The following LNX1 variants were observed in gnomAD, a reference collection of about 807,000 sequenced individuals.
LNX1 encodes ligand of numb-protein X 1, also known as E3 ubiquitin-protein ligase LNX.
Under a neutral mutation model 68.4 loss-of-function variants are expected in LNX1, and 54 were observed. The observed-to-expected ratio is 0.79, with a 90% CI of 0.63 to 0.99. The LOEUF (loss-of-function observed/expected upper bound fraction) is 0.99, where lower values mean the gene tolerates loss of function less well. LNX1 is among the 50% of genes least tolerant of loss of function. LNX1 has a pLI of 0.00. For synonymous variants in LNX1, 336 were observed against 350.0 expected (o/e 0.96, Z 0.45); for missense variants, 906 against 926.4 (o/e 0.98, Z 0.29).
intron 1 of LNX1, among the ~76,000 whole-genome samples, chr4:53,574,443 G>A (rs1354990186): frequency 4.8e-5 from 5 of 104,954 alleles, no homozygotes; most frequent in African/African-American, 1.6e-4. Flanking sequence ...TGTCAGATCA[G>A]GACAAGAAAA....
intron 2 of LNX1, among the ~76,000 whole-genome samples, chr4:53,566,277 C>T (rs1324486922): frequency 6.6e-6 from 1 of 151,142 alleles, no homozygotes; most frequent in Non-Finnish European, 1.5e-5. Context: ...AAAGGGAAGC[C>T]CATCAGACTA....
At chr4:53,461,711 A>G in intron 9 of LNX1, 118 bp from the exon 10 acceptor site, 1 of 683,426 alleles carries the variant, frequency 1.5e-6, no homozygotes, top group Non-Finnish European at 2.4e-6. Flanking sequence ...GTACCACTGC[A>G]TAGGTCCCAC....
chr4:53,576,085 G>T, intron 1 of LNX1: 1 of 1,552,328 alleles, frequency 6.4e-7, no homozygotes, highest in Non-Finnish European at 8.7e-7. Context: ...CCTGGTCGGG[G>T]ACTTGGCCAG....
intron 6 of LNX1, among the ~76,000 whole-genome samples, chr4:53,483,408 T>C (rs141045704): frequency 1.3e-5 from 2 of 152,338 alleles, no homozygotes; most frequent in Admixed American, 6.5e-5. Flanking sequence ...TGCCACAGAT[T>C]AGTTTCACAT....
intron 2 of LNX1, among the ~76,000 whole-genome samples, chr4:53,513,884 A>G (rs2109542371): frequency 6.6e-6 from 1 of 152,310 alleles, no homozygotes; most frequent in South Asian, 2.1e-4. Flanking sequence ...AACGATCTAT[A>G]CGGCCCTATA....
At chr4:53,563,418 C>G (rs1044826380) in intron 2 of LNX1, among the ~76,000 whole-genome samples, 1 of 152,170 alleles carries the variant, frequency 6.6e-6, no homozygotes, top group Non-Finnish European at 1.5e-5. Context: ...GTATTAACTA[C>G]TTCTTAAGTA....
chr4:53,534,457 C>A (rs751218347), intron 2 of LNX1, among the ~76,000 whole-genome samples: 38 of 152,154 alleles, frequency 2.5e-4, no homozygotes, highest in Non-Finnish European at 3.7e-4. Context: ...GGCAACATAG[C>A]AAGACCTTGT....
intron 1 of LNX1, among the ~76,000 whole-genome samples, chr4:53,628,189 A>G (rs765635720): frequency 1.3e-5 from 2 of 152,204 alleles, no homozygotes; most frequent in Non-Finnish European, 2.9e-5. Context: ...CTTGAAAATA[A>G]TCATCAGGAG....
chr4:53,620,985 A>G (rs1229966233), upstream of LNX1, among the ~76,000 whole-genome samples: 2 of 152,224 alleles, frequency 1.3e-5, no homozygotes, highest in Non-Finnish European at 1.5e-5. Context: ...AGTTTCAAAG[A>G]GAATCCCAAT....
intron 1 of LNX1, among the ~76,000 whole-genome samples, chr4:53,634,943 A>C (rs1197308124): frequency 6.6e-6 from 1 of 151,872 alleles, no homozygotes; most frequent in Non-Finnish European, 1.5e-5. Context: ...CTCCTGCCTC[A>C]GCTTCCCATG....
At chr4:53,647,586 C>T (rs1474620380) in intron 1 of LNX1, among the ~76,000 whole-genome samples, 2 of 152,190 alleles carry the variant, frequency 1.3e-5, no homozygotes, top group African/African-American at 4.8e-5. Flanking sequence ...AGCCAGGATT[C>T]ATTGGCATTT....
At chr4:53,573,567 G>A (rs1186369157) in intron 2 of LNX1, 56 bp downstream of exon 2, 2 of 1,244,012 alleles carry the variant, frequency 1.6e-6, no homozygotes, top group Non-Finnish European at 2.3e-6. Context: ...GGGGTGGAGG[G>A]GTCCAGCTGT....
At chr4:53,611,269 G>A (rs993742296) in intron 2 of LNX1, among the ~76,000 whole-genome samples, 7 of 151,778 alleles carry the variant, frequency 4.6e-5, no homozygotes, top group African/African-American at 1.7e-4. Flanking sequence ...GAAATACTTA[G>A]GATAACCAAA....
chr4:53,602,206 T>C (rs1733047530), intron 2 of LNX1, among the ~76,000 whole-genome samples: 3 of 152,172 alleles, frequency 2.0e-5, no homozygotes, highest in Admixed American at 2.0e-4. Flanking sequence ...ATCTGTGACC[T>C]TGACATCACC....
At chr4:53,612,557 C>T (rs181856865) in intron 2 of LNX1, among the ~76,000 whole-genome samples, 26 of 152,198 alleles carry the variant, frequency 1.7e-4, no homozygotes, top group African/African-American at 4.3e-4. Context: ...AATAAATTAA[C>T]GCTTGTAATC....
intron 2 of LNX1, among the ~76,000 whole-genome samples, chr4:53,547,784 TAAG>T (rs1325815825): frequency 1.3e-5 from 2 of 151,954 alleles, no homozygotes; most frequent in African/African-American, 2.4e-5. Flanking sequence ...TATGAGAGAA[TAAG>T]AAGAAGGAGT....
intron 2 of LNX1, among the ~76,000 whole-genome samples, chr4:53,572,529 G>T (rs771533789): frequency 6.6e-6 from 1 of 152,130 alleles, no homozygotes; most frequent in Non-Finnish European, 1.5e-5. Context: ...ATGACCTAAG[G>T]TATGTGACCT....
Position 53,501,299 on chromosome 4 carries a change from T to TGGGGG in LNX1, c.776-2461_776-2457dup, listed in dbSNP as rs1553932749. Among the ~76,000 whole-genome samples, 143 of 38,704 alleles carry TGGGGG rather than the reference T, an allele frequency of 3.7e-3. 3 individuals are homozygous for TGGGGG. Among genetic ancestry groups the TGGGGG allele is most frequent in the Non-Finnish European group, 5.2e-3 (75 of 14,326 alleles). 25.4% of individuals were successfully genotyped at this position (38,704 alleles called of 152,430 possible). On this transcript the variant is annotated intron_variant, in intron 4 of 10. Transcript: ENST00000263925. ...TAATAATCTTTTTTTTTTTTTTTTT[T>TGGGGG]GGGGGTGGGGGGACAGGATCTCACT... is the stretch of plus-strand genomic sequence containing the variant.
At chr4:53,560,297 G>C (rs535394005) in intron 2 of LNX1, among the ~76,000 whole-genome samples, 1 of 152,166 alleles carries the variant, frequency 6.6e-6, no homozygotes, top group Non-Finnish European at 1.5e-5. Context: ...ATTAAAAAAG[G>C]ATGACTGCCC....
Sources: allele counts gnomAD v4.1 joint callset (sites outside exome capture counted in the v4.1 genomes callset), GRCh38; gene constraint gnomAD v4.1.1; transcripts MANE v1.5; gene names NCBI Gene and HGNC (gene_info 2026-07-23, HGNC 2026-07-21).